Variants in TNR observed in about 807,000 individuals in gnomAD.
The protein encoded by TNR is tenascin-R.
A neutral mutation model predicts 150.4 loss-of-function variants in TNR; 45 were observed. That is an observed-to-expected ratio of 0.30 (90% CI 0.24 to 0.38). TNR has a LOEUF of 0.38. TNR is among the 10% of genes least tolerant of loss of function. The pLI, the probability that TNR is intolerant of heterozygous loss-of-function variation, is 1.00. For missense variants in TNR, 1,544 were observed against 1,759.1 expected (o/e 0.88, Z 2.19); for synonymous variants, 687 against 678.4 (o/e 1.01, Z -0.20).
At chr1:175,558,329 A>C (rs1244813925) in intron 1 of TNR, among the ~76,000 whole-genome samples, 16 of 152,276 alleles carry the variant, frequency 1.1e-4, no homozygotes, top group African/African-American at 3.6e-4. Context: ...TTTTAAAATA[A>C]TTATCTTATA....
At chr1:175,642,057 C>T (rs1172133052) in intron 1 of TNR, among the ~76,000 whole-genome samples, 2 of 152,270 alleles carry the variant, frequency 1.3e-5, no homozygotes, top group South Asian at 4.1e-4. Context: ...TCCTAATCCA[C>T]AACCATATCA....
At chr1:175,439,868 A>G (rs79270966) in intron 2 of TNR, among the ~76,000 whole-genome samples, 39,873 of 152,014 alleles carry the variant, frequency 0.26, 5,512 homozygotes, top group East Asian at 0.52. Context: ...TAAAAAGTCA[A>G]GAAACAACAG....
chr1:175,496,843 TC>T (rs2102145107), intron 2 of TNR, among the ~76,000 whole-genome samples: 1 of 152,310 alleles, frequency 6.6e-6, no homozygotes, highest in East Asian at 1.9e-4. Flanking sequence ...ACACTTTTAA[TC>T]CTCATAACAA....
rs143618303 is a variant in TNR, at chr1:175,511,365, T to G, written c.-64+16904A>C. On this transcript the variant is annotated intron_variant, in intron 2 of 22. Coordinates refer to ENST00000367674, the MANE Select transcript of TNR (RefSeq NM_003285.3). The stretch of plus-strand genomic sequence containing the variant: ...CATGCCAAAGCTATTTTTTATTATT[T>G]TAGAAGTTGGAAAATGTAGGAAAAT... Among the ~76,000 whole-genome samples, 503 of 152,362 alleles carry G rather than the reference T, an allele frequency of 3.3e-3. 3 individuals carry two copies. The highest frequency in any genetic ancestry group is 0.012 in the African/African-American group (481 of 41,588).
chr1:175,374,905 G>T (rs1204721114), intron 9 of TNR, among the ~76,000 whole-genome samples: 8 of 152,208 alleles, frequency 5.3e-5, no homozygotes, highest in Non-Finnish European at 8.8e-5. Flanking sequence ...CTAAGCTTCT[G>T]TTCATGAGGG....
chr1:175,520,911 T>A (rs1659612446), intron 2 of TNR, among the ~76,000 whole-genome samples: 1 of 152,132 alleles, frequency 6.6e-6, no homozygotes, highest in Non-Finnish European at 1.5e-5. Context: ...TCTACTAACA[T>A]AACCAGCATT....
intron 1 of TNR, among the ~76,000 whole-genome samples, chr1:175,661,042 TG>T (rs1190243765): frequency 6.6e-6 from 1 of 152,228 alleles, no homozygotes; most frequent in African/African-American, 2.4e-5. Flanking sequence ...TCAGAGTTCT[TG>T]GGTTTGGGCG....
chr1:175,612,168 G>T (rs1198614158), intron 1 of TNR, among the ~76,000 whole-genome samples: 3 of 152,122 alleles, frequency 2.0e-5, no homozygotes, highest in African/African-American at 4.8e-5. Context: ...GGATTCCCTT[G>T]CCCTTGCCTT....
At chr1:175,564,683 G>A (rs1318709752) in intron 1 of TNR, among the ~76,000 whole-genome samples, 2 of 152,048 alleles carry the variant, frequency 1.3e-5, no homozygotes, top group Admixed American at 6.6e-5. Context: ...TTTTGGGGAG[G>A]GGAGGTCAGC....
intron 18 of TNR, among the ~76,000 whole-genome samples, chr1:175,348,577 A>G (rs928946218): frequency 1.9e-4 from 29 of 152,188 alleles, no homozygotes; most frequent in Non-Finnish European, 3.1e-4. Context: ...ATATGGAAAA[A>G]CAGATCTGAG....
chr1:175,440,079 T>G (rs1213190945), intron 2 of TNR, among the ~76,000 whole-genome samples: 1 of 152,172 alleles, frequency 6.6e-6, no homozygotes, highest in Admixed American at 6.5e-5. Context: ...TGCACAGGTA[T>G]GTTTATTGCA....
intron 2 of TNR, among the ~76,000 whole-genome samples, chr1:175,495,484 G>A (rs1658448485): frequency 6.6e-6 from 1 of 152,176 alleles, no homozygotes; most frequent in Admixed American, 6.5e-5. Flanking sequence ...CTTTGTTAGG[G>A]AAACAAGAAA....
chr1:175,510,712 CTTAT>C (rs1037332369), intron 2 of TNR, among the ~76,000 whole-genome samples: 8 of 152,154 alleles, frequency 5.3e-5, no homozygotes, highest in African/African-American at 1.9e-4. Flanking sequence ...GTATTATTTG[CTTAT>C]TTCAAAGCAA....
intron 18 of TNR, among the ~76,000 whole-genome samples, chr1:175,345,057 G>C (rs1251616639): frequency 6.6e-6 from 1 of 151,772 alleles, no homozygotes; most frequent in African/African-American, 2.4e-5. Context: ...GCAGTGAGCC[G>C]AGATCAAGCC....
intron 2 of TNR, among the ~76,000 whole-genome samples, chr1:175,468,741 A>G (rs1206427334): frequency 6.6e-6 from 1 of 152,102 alleles, no homozygotes; most frequent in Non-Finnish European, 1.5e-5. Context: ...GTGTTTAAAG[A>G]CCCGCAGGTG....
intron 20 of TNR, among the ~76,000 whole-genome samples, chr1:175,333,738 A>G (rs1222542800): frequency 6.6e-6 from 1 of 152,208 alleles, no homozygotes; most frequent in East Asian, 1.9e-4. Flanking sequence ...TAAAATGGAC[A>G]CTATGATCTG....
intron 1 of TNR, chr1:175,556,783 T>G (rs942075958): frequency 6.6e-6 from 1 of 152,482 alleles, no homozygotes; most frequent in Admixed American, 6.5e-5. Context: ...CTTCCTTGGA[T>G]AGACAAACTC....
chr1:175,418,930 G>A (rs1308408188), intron 2 of TNR, among the ~76,000 whole-genome samples: 3 of 152,148 alleles, frequency 2.0e-5, no homozygotes, highest in Admixed American at 2.0e-4. Context: ...TTCAAAGCAG[G>A]GCATAACATG....
intron 2 of TNR, among the ~76,000 whole-genome samples, chr1:175,475,414 C>A (rs859412): frequency 6.6e-6 from 1 of 152,112 alleles, no homozygotes; most frequent in Non-Finnish European, 1.5e-5. Flanking sequence ...GTGTGGTGGA[C>A]GTGCTGGCTT....
Sources: allele counts gnomAD v4.1 joint callset (sites outside exome capture counted in the v4.1 genomes callset), GRCh38; gene constraint gnomAD v4.1.1; transcripts MANE v1.5; gene names NCBI Gene and HGNC (gene_info 2026-07-23, HGNC 2026-07-21).